The following ADAMTS2 variants were observed in gnomAD, a reference collection of about 807,000 sequenced individuals.
The protein encoded by ADAMTS2 is A disintegrin and metalloproteinase with thrombospondin motifs 2.
ADAMTS2 carries 50 observed loss-of-function variants against 123.0 expected under a neutral mutation model. That is an observed-to-expected ratio of 0.41 (90% confidence interval 0.32 to 0.51). The LOEUF (loss-of-function observed/expected upper bound fraction) is 0.51. Among genes scored for constraint, ADAMTS2 ranks in the 20% least tolerant of loss-of-function variants. ADAMTS2 has a pLI of 0.35. For missense variants in ADAMTS2, 1,494 were observed against 1,705.2 expected (o/e 0.88, Z 2.18); for synonymous variants, 678 against 695.4 (o/e 0.98, Z 0.39).
At chr5:179,166,744 G>A (rs1179855288) in intron 5 of ADAMTS2, among the ~76,000 whole-genome samples, 2 of 152,304 alleles carry the variant, frequency 1.3e-5, no homozygotes, top group East Asian at 1.9e-4. Flanking sequence ...TGTTGCTGTC[G>A]CTGGCCTCTG....
intron 2 of ADAMTS2, among the ~76,000 whole-genome samples, chr5:179,304,825 G>A (rs1756626998): frequency 6.6e-6 from 1 of 152,142 alleles, no homozygotes; most frequent in South Asian, 2.1e-4. Flanking sequence ...TCTGTGAAAT[G>A]CATAAACCTA....
rs370073752 is a variant in ADAMTS2 at position 179,124,869 on chromosome 5, G to A, written c.2958+104C>T. ...GCAGTGCTTGGCATGCACGGAGCGG[G>A]TGGTGGTGTTGTGTAGCGGCTGAAT... On this transcript the variant is annotated intron_variant, in intron 19 of 21. Coordinates refer to ENST00000251582, the MANE Select transcript of ADAMTS2 (RefSeq NM_014244.5). 4.4e-6 allele frequency: 7 copies of A among 1,599,154 alleles called. No individual in the cohort carries two copies. The East Asian group carries it at 1.6e-4, about 37-fold the overall frequency.
intron 2 of ADAMTS2, among the ~76,000 whole-genome samples, chr5:179,287,880 T>C (rs1230180794): frequency 2.0e-5 from 3 of 152,180 alleles, no homozygotes; most frequent in South Asian, 2.1e-4. Context: ...GGAACTCCCA[T>C]GGGGAGAGCA....
intron 2 of ADAMTS2, among the ~76,000 whole-genome samples, chr5:179,340,973 C>A (rs1757756268): frequency 6.6e-6 from 1 of 152,206 alleles, no homozygotes; most frequent in African/African-American, 2.4e-5. Context: ...TGCAAAGGGA[C>A]ATTTTGCTGT....
chr5:179,171,910 C>G (rs1763823127), intron 5 of ADAMTS2, among the ~76,000 whole-genome samples: 4 of 152,160 alleles, frequency 2.6e-5, no homozygotes, highest in Non-Finnish European at 5.9e-5. Context: ...GGAACAGGCA[C>G]TGGGGTGTCC....
intron 2 of ADAMTS2, among the ~76,000 whole-genome samples, chr5:179,321,214 C>A (rs1173843138): frequency 6.6e-6 from 1 of 152,138 alleles, no homozygotes; most frequent in Non-Finnish European, 1.5e-5. Flanking sequence ...AAACTCAAGC[C>A]ACCTAAAATC....
chr5:179,128,044 G>A lies in ADAMTS2; in HGVS notation c.2532C>T (p.Asp844=), dbSNP rs2303644. The change falls in exon 17 of 22, where the codon GAC becomes GAT. Residue 844 remains aspartate (D), a synonymous_variant. Coordinates refer to ENST00000251582, the MANE Select transcript of ADAMTS2 (RefSeq NM_014244.5). The surrounding 1 kb of genome is among the most constrained non-coding windows in gnomAD (Gnocchi z 4.9). ...AGTCCTCTTCCAGGACGTTGTTGTC[G>A]TCGACATTCAGTGAGTCCTCATGGA... ...YMIHEDSLNV[D]DNNVLEEDSV... The A allele has an allele frequency of 0.23, 363,460 of 1,613,802 alleles. 43,786 individuals are homozygous for A. Among genetic ancestry groups the A allele is most frequent in the Non-Finnish European group, 0.25 (292,543 of 1,179,930 alleles).
rs1764762127 is a variant in ADAMTS2, at chr5:179,208,168, T to C, written c.689-453A>G. On this transcript the variant is annotated intron_variant, in intron 3 of 21. Coordinates refer to ENST00000251582, the MANE Select transcript of ADAMTS2 (RefSeq NM_014244.5). ...ACCCCTTGCCCACACTGCCCGATGCTGGAGTGGGTAGAGCCACCTCTTCTC... is the reference window on the plus strand; with the variant it reads ...ACCCCTTGCCCACACTGCCCGATGCCGGAGTGGGTAGAGCCACCTCTTCTC... Among the ~76,000 whole-genome samples the C allele has an allele frequency of 5.3e-5, 8 of 151,612 alleles. 1 individual carries two copies. Among genetic ancestry groups the C allele is most frequent in the South Asian group, 2.1e-4 (1 of 4,812 alleles).
chr5:179,281,065 C>A (rs953557802), intron 2 of ADAMTS2, among the ~76,000 whole-genome samples: 1 of 152,164 alleles, frequency 6.6e-6, no homozygotes, highest in African/African-American at 2.4e-5. Context: ...ACCATGTTGG[C>A]CAGGCTGGTC....
intron 2 of ADAMTS2, among the ~76,000 whole-genome samples, chr5:179,289,414 G>T (rs551070050): frequency 8.5e-5 from 13 of 152,280 alleles, no homozygotes; most frequent in South Asian, 8.3e-4. Context: ...AAATGTAAAA[G>T]AAATGATGAG....
intron 2 of ADAMTS2, among the ~76,000 whole-genome samples, chr5:179,321,542 A>G (rs1757176777): frequency 1.3e-5 from 2 of 152,052 alleles, no homozygotes; most frequent in South Asian, 2.1e-4. Flanking sequence ...CCCGCTCCTA[A>G]GACTCCACTG....
intron 4 of ADAMTS2, among the ~76,000 whole-genome samples, chr5:179,205,933 G>A (rs529739017): frequency 2.8e-3 from 420 of 152,002 alleles, no homozygotes; most frequent in African/African-American, 9.1e-3. Context: ...CACCACGCCC[G>A]GCTAATTTTT....
In ADAMTS2 at chr5:179,317,622, G is replaced by A. The variant is rs564892859; in HGVS notation, c.534+26145C>T. Among the ~76,000 whole-genome samples the A allele has an allele frequency of 4.1e-4, 62 of 152,264 alleles. No homozygotes were observed. Among genetic ancestry groups the A allele is most frequent in the East Asian group, 5.8e-4 (3 of 5,180 alleles). On this transcript the variant is annotated intron_variant, in intron 2 of 21. Transcript: ENST00000251582. The surrounding 1 kb of genome is among the most constrained non-coding windows in gnomAD (Gnocchi z 4.9). ...AGTGTTGGTGTAATCTATGTCCCCC[G>A]GATGGCCAGCGGGCACAGAGCATAT... is the stretch of plus-strand genomic sequence containing the variant.
At chr5:179,319,857 C>G (rs925125272) in intron 2 of ADAMTS2, among the ~76,000 whole-genome samples, 20 of 152,164 alleles carry the variant, frequency 1.3e-4, no homozygotes, top group African/African-American at 4.8e-4. Context: ...ACCCAGGTCC[C>G]CACTGGTCAG....
chr5:179,339,540 G>C (rs540784658), intron 2 of ADAMTS2, among the ~76,000 whole-genome samples: 1 of 152,348 alleles, frequency 6.6e-6, no homozygotes, highest in African/African-American at 2.4e-5. Context: ...AACTGAGCAA[G>C]TCTTAAGGTG....
At chr5:179,316,733 T>C (rs1358336085) in intron 2 of ADAMTS2, among the ~76,000 whole-genome samples, 1 of 152,104 alleles carries the variant, frequency 6.6e-6, no homozygotes. Context: ...GTCCAGAAGT[T>C]CAAGATCAGC....
intron 3 of ADAMTS2, among the ~76,000 whole-genome samples, chr5:179,230,785 C>A (rs533113645): frequency 1.4e-4 from 22 of 152,240 alleles, no homozygotes; most frequent in African/African-American, 4.8e-4. Flanking sequence ...CCGAGGCAGG[C>A]GGATTGCCTG....
chr5:179,166,712 G>A (rs557981122), intron 5 of ADAMTS2, among the ~76,000 whole-genome samples: 76 of 152,316 alleles, frequency 5.0e-4, no homozygotes, highest in Non-Finnish European at 8.7e-4. Flanking sequence ...CTGCCAGATG[G>A]GGCACCTACT....
At position 179,111,516 on chromosome 5, in the gene ADAMTS2, A is replaced by T. The variant is rs1046960266; in HGVS notation, c.*2351T>A. 2.0e-5 allele frequency: 3 copies of T among 152,272 alleles called. No homozygotes were observed. The highest frequency in any genetic ancestry group is 7.2e-5 in the African/African-American group (3 of 41,472). 9.4% of individuals were successfully genotyped at this position (152,272 alleles called of 1,614,324 possible). On this transcript the variant is annotated 3_prime_UTR_variant, in exon 22 of 22. Transcript: ENST00000251582. ...ATATGGCTCAAGGATTGAGGATGGC[A>T]CAGAGGGTCATGGCTGTCAGTCCCA...
Sources: allele counts gnomAD v4.1 joint callset (sites outside exome capture counted in the v4.1 genomes callset), GRCh38; gene constraint gnomAD v4.1.1; non-coding constraint Gnocchi (gnomAD v3.1); transcripts MANE v1.5; gene names NCBI Gene and HGNC (gene_info 2026-07-23, HGNC 2026-07-21).